BMPR1B: variants seen among roughly 807,000 people sequenced by gnomAD.
BMPR1B encodes bone morphogenetic protein receptor type-1B.
Under a neutral mutation model 59.1 loss-of-function variants are expected in BMPR1B, and 12 were observed. The ratio of observed to expected loss-of-function variants is 0.20; its 90% CI spans 0.13 to 0.33. BMPR1B has a LOEUF of 0.33. Ranked by LOEUF, BMPR1B falls within the 10% of genes least tolerant of loss-of-function variation. The probability of loss-of-function intolerance (pLI) is 1.00; values close to 1 mark genes in which losing one functional copy is unlikely to be tolerated. For missense variants in BMPR1B, 550 were observed against 610.9 expected (o/e 0.90, Z 1.05); for synonymous variants, 237 against 207.3 (o/e 1.14, Z -1.23).
At chr4:95,082,399 C>A (rs1729228541) in intron 3 of BMPR1B, among the ~76,000 whole-genome samples, 1 of 152,002 alleles carries the variant, frequency 6.6e-6, no homozygotes, top group South Asian at 2.1e-4. Context: ...GTCTGCTGCT[C>A]AGTAGTTTGC....
chr4:95,091,166 C>T (rs895706970), intron 3 of BMPR1B, among the ~76,000 whole-genome samples: 6 of 152,008 alleles, frequency 3.9e-5, no homozygotes, highest in Non-Finnish European at 7.4e-5. Context: ...CTTGCATAGA[C>T]GCAGAGGTAG....
chr4:94,764,377 A>G (rs76083989), intron 1 of BMPR1B, among the ~76,000 whole-genome samples: 2,863 of 152,206 alleles, frequency 0.019, 49 homozygotes, highest in Non-Finnish European at 0.025. Context: ...GCTCTTCCCA[A>G]GGTATTCTTC....
chr4:95,083,598 C>T (rs1729344568), intron 3 of BMPR1B, among the ~76,000 whole-genome samples: 1 of 152,148 alleles, frequency 6.6e-6, no homozygotes, highest in Admixed American at 6.5e-5. Context: ...TATTCAGGGT[C>T]AGATAACTCA....
chr4:94,994,152 G>A (rs1721917241), intron 2 of BMPR1B, among the ~76,000 whole-genome samples: 1 of 152,110 alleles, frequency 6.6e-6, no homozygotes, highest in Admixed American at 6.6e-5. Flanking sequence ...GTGAATAAAG[G>A]CAGTTAAAAC....
chr4:95,106,190 A>T (rs1731188050), intron 4 of BMPR1B, among the ~76,000 whole-genome samples: 1 of 151,874 alleles, frequency 6.6e-6, no homozygotes, highest in Non-Finnish European at 1.5e-5. Flanking sequence ...CTGAGACAGG[A>T]GGTATAGTGA....
At chr4:94,958,361 G>C (rs932624589) in intron 2 of BMPR1B, among the ~76,000 whole-genome samples, 2 of 152,146 alleles carry the variant, frequency 1.3e-5, no homozygotes, top group African/African-American at 4.8e-5. Context: ...CTGCAGACTG[G>C]GTGGCTGAAA....
At chr4:94,848,716 G>A (rs1051405500) in intron 1 of BMPR1B, among the ~76,000 whole-genome samples, 2 of 152,204 alleles carry the variant, frequency 1.3e-5, no homozygotes, top group African/African-American at 4.8e-5. Flanking sequence ...TTAGGACAAA[G>A]GGTGGGAGTG....
At chr4:95,137,636 A>C (rs545562055) in intron 10 of BMPR1B, among the ~76,000 whole-genome samples, 296 of 152,002 alleles carry the variant, frequency 1.9e-3, no homozygotes, top group Non-Finnish European at 3.4e-3. Flanking sequence ...GCTCTTGTTG[A>C]ATTGATCCCT....
At chr4:94,797,362 A>T (rs1287721578) in intron 1 of BMPR1B, among the ~76,000 whole-genome samples, 2 of 152,198 alleles carry the variant, frequency 1.3e-5, no homozygotes, top group Non-Finnish European at 2.9e-5. Flanking sequence ...CTTAGTTCAA[A>T]TAATTATTTC....
intron 3 of BMPR1B, among the ~76,000 whole-genome samples, chr4:95,043,745 T>C (rs1725841047): frequency 6.6e-6 from 1 of 152,182 alleles, no homozygotes; most frequent in South Asian, 2.1e-4. Context: ...AGTTTGGGGC[T>C]TATTTTTTCT....
intron 1 of BMPR1B, among the ~76,000 whole-genome samples, chr4:94,856,885 A>G (rs1322103356): frequency 6.6e-6 from 1 of 152,250 alleles, no homozygotes; most frequent in East Asian, 1.9e-4. Context: ...ACAGTTTAGC[A>G]TAACAGAAGG....
At chr4:94,862,060 T>G (rs1726002538) in intron 1 of BMPR1B, among the ~76,000 whole-genome samples, 1 of 151,732 alleles carries the variant, frequency 6.6e-6, no homozygotes, top group Admixed American at 6.6e-5. Context: ...TGCCACACAG[T>G]ACCTGTCAAC....
At chr4:95,105,007 C>T (rs924603360) in intron 4 of BMPR1B, among the ~76,000 whole-genome samples, 1 of 152,090 alleles carries the variant, frequency 6.6e-6, no homozygotes, top group Non-Finnish European at 1.5e-5. Flanking sequence ...CATAAACTGA[C>T]TCTGGGAAGC....
At chr4:95,074,539 A>G (rs1728558465) in intron 3 of BMPR1B, among the ~76,000 whole-genome samples, 1 of 151,678 alleles carries the variant, frequency 6.6e-6, no homozygotes, top group Non-Finnish European at 1.5e-5. Context: ...ATTTTTCGTC[A>G]TTGTTTTTTT....
intron 3 of BMPR1B, among the ~76,000 whole-genome samples, chr4:95,040,983 TTCCTCAA>T (rs1173053202): frequency 1.3e-5 from 2 of 152,184 alleles, no homozygotes; most frequent in African/African-American, 2.4e-5. Context: ...AAAAAACCCT[TTCCTCAA>T]TTCCTTGGCA....
chr4:95,100,359 C>G (rs770907615), intron 3 of BMPR1B, among the ~76,000 whole-genome samples: 1 of 152,072 alleles, frequency 6.6e-6, no homozygotes, highest in Non-Finnish European at 1.5e-5. Flanking sequence ...AAATTTTTCC[C>G]TCAGACTTTT....
intron 3 of BMPR1B, among the ~76,000 whole-genome samples, chr4:95,016,863 T>C (rs1487817500): frequency 2.0e-5 from 3 of 152,212 alleles, no homozygotes; most frequent in African/African-American, 7.2e-5. Flanking sequence ...AGCAACAGTT[T>C]ATACCAAGTA....
At chr4:95,141,022 GAGATGA>G (rs1231156775) in intron 10 of BMPR1B, among the ~76,000 whole-genome samples, 2 of 152,202 alleles carry the variant, frequency 1.3e-5, no homozygotes, top group African/African-American at 4.8e-5. Flanking sequence ...AAGAGATGAA[GAGATGA>G]AGATGATGGC....
At chr4:94,795,434 CA>C (rs1463509414) in intron 1 of BMPR1B, among the ~76,000 whole-genome samples, 4 of 133,912 alleles carry the variant, frequency 3.0e-5, no homozygotes, top group Non-Finnish European at 6.4e-5. Flanking sequence ...CTTATTGAAA[CA>C]TTTTTTTTTT....
Sources: allele counts gnomAD v4.1 joint callset (sites outside exome capture counted in the v4.1 genomes callset), GRCh38; gene constraint gnomAD v4.1.1; transcripts MANE v1.5; gene names NCBI Gene and HGNC (gene_info 2026-07-23, HGNC 2026-07-21).